The following UBN2 variants were observed in gnomAD, a reference collection of about 807,000 sequenced individuals.
UBN2 encodes ubinuclein-2.
Under a neutral mutation model 120.2 loss-of-function variants are expected in UBN2, and 35 were observed. The observed-to-expected ratio is 0.29, with a 90% confidence interval of 0.22 to 0.39. The LOEUF is 0.39. Among genes scored for constraint, UBN2 ranks in the 10% least tolerant of loss-of-function variants. The pLI, the probability that UBN2 is intolerant of heterozygous loss-of-function variation, is 1.00. For synonymous variants in UBN2, 661 were observed against 648.7 expected, an observed-to-expected ratio of 1.02 and a Z score of -0.29; for missense variants, 1,693 against 1,663.2, an observed-to-expected ratio of 1.02 and a Z score of -0.31.
At chr7:139,273,578 T>G (rs565343085) in intron 10 of UBN2, among the ~76,000 whole-genome samples, 168 bp downstream of exon 10, 2 of 152,330 alleles carry the variant, frequency 1.3e-5, no homozygotes, top group East Asian at 1.9e-4. Flanking sequence ...CCTCAGAGTA[T>G]TATTGCTTTT....
intron 17 of UBN2, among the ~76,000 whole-genome samples, chr7:139,297,430 A>C (rs1171146529): frequency 6.6e-6 from 1 of 152,192 alleles, no homozygotes; most frequent in African/African-American, 2.4e-5. Context: ...AGGAGTTGAA[A>C]GATGTAGTGG....
rs1796836053 is a variant in UBN2, at chr7:139,258,630, G to T, written c.801+5G>T. ...CAAAAGCACAAGCCACCCAAGGTGA[G>T]TTTATCAAACATTGCAACAGTACTG... On this transcript the variant is annotated splice_donor_5th_base_variant and intron_variant, in intron 4 of 17. Coordinates refer to ENST00000473989, the MANE Select transcript of UBN2 (RefSeq NM_173569.4). 6.3e-7 allele frequency: 1 copy of T among 1,586,848 alleles called. No individual in the cohort carries two copies. Among genetic ancestry groups the T allele is most frequent in the Non-Finnish European group, 8.6e-7 (1 of 1,166,120 alleles).
intron 6 of UBN2, among the ~76,000 whole-genome samples, chr7:139,265,306 G>A (rs778703443): frequency 4.0e-5 from 6 of 151,674 alleles, no homozygotes; most frequent in Non-Finnish European, 5.9e-5. Flanking sequence ...ATGAAATCCC[G>A]TCTCTACTGA....
At chr7:139,308,540 G>A (rs1438083659), downstream of UBN2, among the ~76,000 whole-genome samples, 2 of 152,174 alleles carry the variant, frequency 1.3e-5, no homozygotes, top group African/African-American at 2.4e-5. Flanking sequence ...CAGTGCAGTG[G>A]ATGGCACTTG....
At chr7:139,275,569 C>G (rs1054577740) in intron 11 of UBN2, among the ~76,000 whole-genome samples, 4 of 150,262 alleles carry the variant, frequency 2.7e-5, no homozygotes, top group African/African-American at 7.4e-5. Flanking sequence ...GGTGACAGAG[C>G]GAGACTCTGT....
At chr7:139,239,334 A>C (rs1281722945) in intron 2 of UBN2, among the ~76,000 whole-genome samples, 2 of 152,086 alleles carry the variant, frequency 1.3e-5, no homozygotes, top group Non-Finnish European at 2.9e-5. Context: ...CACTGTAACC[A>C]GTCCCCAAAT....
rs1585036720 is a variant in UBN2 at position 139,300,436 on chromosome 7, C to G, written c.*2600C>G. On this transcript the variant is annotated 3_prime_UTR_variant, in exon 18 of 18. Transcript: ENST00000473989. Reference sequence around the variant, plus strand: ...CATAACATTGAAAAAGGTGCCCATACTTTATGGTCACCTGTCTTTACCGTT... The same window carrying G: ...CATAACATTGAAAAAGGTGCCCATAGTTTATGGTCACCTGTCTTTACCGTT... 6.6e-6 allele frequency: 1 copy of G among 152,160 alleles called. No individual in the cohort carries two copies. The highest frequency in any genetic ancestry group is 2.4e-5 in the African/African-American group (1 of 41,434). The allele number at this position is 152,160 out of a possible 1,614,324, so 9.4% of individuals were successfully genotyped here.
chr7:139,286,495 C>T (rs192198474), intron 15 of UBN2, among the ~76,000 whole-genome samples: 4 of 151,834 alleles, frequency 2.6e-5, no homozygotes, highest in African/African-American at 7.3e-5. Context: ...CTTTTTTCCC[C>T]TGAAAGTAAT....
In UBN2 at chr7:139,304,706, G is replaced by GGGGTGTGTGTGTGTGT. The variant is rs1554480228; in HGVS notation, c.*6871_*6872insGGTGTGTGTGTGTGTG. 2 of 140,390 alleles carry GGGGTGTGTGTGTGTGT rather than the reference G, an allele frequency of 1.4e-5. No individual in the cohort carries two copies. Among genetic ancestry groups the GGGGTGTGTGTGTGTGT allele is most frequent in the South Asian group, 2.3e-4 (1 of 4,344 alleles). 8.7% of individuals were successfully genotyped at this position (140,390 alleles called of 1,614,324 possible). ...AGGTCCACTGAATCTCTAATGATAG[G>GGGGTGTGTGTGTGTGT]GTGTGTGTGTGTGTGTGTGTGTGTG... On this transcript the variant is annotated 3_prime_UTR_variant, in exon 18 of 18. Transcript: ENST00000473989.
At chr7:139,263,052 A>G (rs932679571) in intron 6 of UBN2, among the ~76,000 whole-genome samples, 3 of 152,300 alleles carry the variant, frequency 2.0e-5, no homozygotes, top group Admixed American at 2.0e-4. Flanking sequence ...CATGGTGATG[A>G]GCATGAAGTC....
intron 7 of UBN2, among the ~76,000 whole-genome samples, chr7:139,267,785 GGA>G (rs1438649929): frequency 6.6e-6 from 1 of 152,094 alleles, no homozygotes; most frequent in Non-Finnish European, 1.5e-5. Context: ...TGGTGGCAGA[GGA>G]GTTTCTCATT....
At position 139,283,176 on chromosome 7, in the gene UBN2, T is replaced by C; in HGVS notation, c.2271T>C (p.Asp757=). The C allele has an allele frequency of 2.5e-6, 4 of 1,612,016 alleles. No homozygotes were observed. The highest frequency in any genetic ancestry group is 3.4e-6 in the Non-Finnish European group (4 of 1,179,730). ...QETICLDDSL[D]EDLSFHSPSL... ...CCATCTGCCTCGACGACTCACTAGA[T>C]GAAGACCTTTCTTTCCATTCACCTT... The change falls in exon 15 of 18, where the codon GAT becomes GAC. Residue 757 remains aspartate (D), a synonymous_variant. Coordinates refer to ENST00000473989, the MANE Select transcript of UBN2 (RefSeq NM_173569.4).
intron 14 of UBN2, 80 bp from the exon 15 acceptor site, chr7:139,282,944 A>G: frequency 8.5e-7 from 1 of 1,172,052 alleles, no homozygotes. Context: ...TTGTCATGAG[A>G]ATCTTTTAGT....
chr7:139,268,929 G>A (rs966416282), intron 7 of UBN2, among the ~76,000 whole-genome samples: 11 of 152,140 alleles, frequency 7.2e-5, no homozygotes, highest in East Asian at 1.9e-4. Context: ...GGGGCTGGGC[G>A]CAGTGGCTCA....
At chr7:139,318,908 G>C in the UBN2 span, among the ~76,000 whole-genome samples, 2 of 152,200 alleles carry the variant, frequency 1.3e-5, no homozygotes, top group Admixed American at 1.3e-4. Context: ...CCGGCTGGTG[G>C]CTAAGGACTC....
At chr7:139,275,391 G>A (rs1203406874) in intron 11 of UBN2, among the ~76,000 whole-genome samples, 1 of 150,710 alleles carries the variant, frequency 6.6e-6, no homozygotes, top group African/African-American at 2.4e-5. Flanking sequence ...AGACCATCCT[G>A]GCTAACACGG....
rs1798283599 is a variant in UBN2 at position 139,302,516 on chromosome 7, T to A, written c.*4680T>A. 1 of 152,014 alleles carries A rather than the reference T, an allele frequency of 6.6e-6. No homozygotes were observed. The highest frequency in any genetic ancestry group is 2.1e-4 in the South Asian group (1 of 4,816). The allele number at this position is 152,014 out of a possible 1,614,324, so 9.4% of individuals were successfully genotyped here. A position where few individuals can be genotyped will look rare whatever the true frequency, so the allele number is the denominator to read the frequency against. ...CTGGCTAATATGGTGAAACCCCGTC[T>A]CTACTAAAAATACAAAAAATTAGCC... On this transcript the variant is annotated 3_prime_UTR_variant, in exon 18 of 18. Transcript: ENST00000473989.
chr7:139,231,911 G>C lies in UBN2; in HGVS notation c.427G>C (p.Glu143Gln). Residue 143 changes from glutamate (E) to glutamine (Q), a missense_variant, in exon 1 of 18, where the codon GAG becomes CAG. By Grantham distance (29) the Glu-to-Gln change is conservative (BLOSUM62 2). Around this residue, in one of 5 missense-constraint regions of UBN2, gnomAD observed 663 missense variants for 591.2 expected, o/e 1.12. Transcript: ENST00000473989. ...GGACCCCACCGACGAGAGCTGCGTGGAGTTCAGTTACCCGGAGCTGCTGCT... is the reference window on the plus strand; with the variant it reads ...GGACCCCACCGACGAGAGCTGCGTGCAGTTCAGTTACCCGGAGCTGCTGCT... ...LKDPTDESCV[E>Q]FSYPELLLCG... 2 of 1,589,096 alleles carry C rather than the reference G, an allele frequency of 1.3e-6. No individual in the cohort carries two copies. The highest frequency in any genetic ancestry group is 1.7e-6 in the Non-Finnish European group (2 of 1,173,722).
intron 15 of UBN2, among the ~76,000 whole-genome samples, chr7:139,289,413 G>GTTTTTTTTT (rs1797880317): frequency 7.7e-6 from 1 of 130,220 alleles, no homozygotes; most frequent in Admixed American, 8.8e-5. Context: ...TTTACATTTT[G>GTTTTTTTTT]CTTTTTTTTT....
Sources: allele counts gnomAD v4.1 joint callset (sites outside exome capture counted in the v4.1 genomes callset), GRCh38; gene constraint gnomAD v4.1.1; regional missense constraint gnomAD v4.1.1; transcripts MANE v1.5; gene names NCBI Gene and HGNC (gene_info 2026-07-23, HGNC 2026-07-21).